Variants in MTTP observed in about 807,000 individuals in gnomAD.
MTTP encodes microsomal triglyceride transfer protein large subunit.
Under a neutral mutation model 90.6 loss-of-function variants are expected in MTTP, and 49 were observed. The ratio of observed to expected loss-of-function variants is 0.54; its 90% CI spans 0.43 to 0.69. MTTP has a LOEUF of 0.69. Ranked by LOEUF, MTTP falls within the 30% of genes least tolerant of loss-of-function variation. The pLI, the probability that MTTP is intolerant of heterozygous loss-of-function variation, is 0.00. For synonymous variants in MTTP, 347 were observed against 384.2 expected, an observed-to-expected ratio of 0.90 and a Z score of 1.13; for missense variants, 945 against 1,067.5, an observed-to-expected ratio of 0.89 and a Z score of 1.60.
intron 8 of MTTP, among the ~76,000 whole-genome samples, chr4:99,597,437 A>G (rs1417946637): frequency 1.3e-5 from 2 of 152,214 alleles, no homozygotes; most frequent in Non-Finnish European, 2.9e-5. Flanking sequence ...AGCAGGGACT[A>G]GGAATAAACA....
intron 6 of MTTP, 132 bp downstream of exon 6, chr4:99,591,922 T>C: frequency 1.2e-6 from 1 of 844,986 alleles, no homozygotes; most frequent in East Asian, 2.7e-5. Context: ...ACAATGGGAA[T>C]AAGTTCTGAG....
intron 16 of MTTP, among the ~76,000 whole-genome samples, chr4:99,620,415 A>C (rs1726201500): frequency 6.6e-6 from 1 of 152,200 alleles, no homozygotes. Flanking sequence ...TATCCAGGGC[A>C]CATTCCCCAG....
At chr4:99,613,257 T>G (rs1726008514) in intron 15 of MTTP, 117 bp downstream of exon 15, 4 of 857,206 alleles carry the variant, frequency 4.7e-6, no homozygotes, top group Non-Finnish European at 7.6e-6. Context: ...GGAGCTCATA[T>G]TCCAAGCACT....
intron 3 of MTTP, among the ~76,000 whole-genome samples, chr4:99,585,057 C>T (rs995299191): frequency 1.3e-5 from 2 of 152,116 alleles, no homozygotes; most frequent in African/African-American, 4.8e-5. Context: ...GTCTATTCAG[C>T]ACCTTGCTCA....
intron 10 of MTTP, among the ~76,000 whole-genome samples, chr4:99,602,741 G>T (rs35043772): frequency 0.082 from 12,464 of 152,016 alleles, 882 homozygotes; most frequent in East Asian, 0.19. Context: ...ATAATTATTT[G>T]AGTAGCTGAT....
intron 11 of MTTP, 52 bp from the exon 12 acceptor site, chr4:99,608,714 T>C: frequency 7.6e-7 from 1 of 1,310,252 alleles, no homozygotes; most frequent in African/African-American, 1.5e-5. Flanking sequence ...CCTGCTGAAA[T>C]GTCCATTTTA....
At chr4:99,573,950 T>G (rs889362913), upstream of MTTP, among the ~76,000 whole-genome samples, 2 of 152,224 alleles carry the variant, frequency 1.3e-5, no homozygotes, top group Non-Finnish European at 2.9e-5. Flanking sequence ...ATCAGGTCTC[T>G]CTCATGGGAG....
intron 1 of MTTP, among the ~76,000 whole-genome samples, chr4:99,568,252 A>G (rs895337405): frequency 2.0e-5 from 3 of 152,118 alleles, no homozygotes; most frequent in African/African-American, 7.2e-5. Flanking sequence ...CTGTCTAGAA[A>G]ATCCCCAAAA....
At chr4:99,578,724 A>G (rs1283400221) in intron 1 of MTTP, among the ~76,000 whole-genome samples, 3 of 152,224 alleles carry the variant, frequency 2.0e-5, no homozygotes, top group African/African-American at 7.2e-5. Context: ...TATTTTAACC[A>G]GAGGACACCT....
intron 15 of MTTP, among the ~76,000 whole-genome samples, chr4:99,618,561 T>C (rs935837773): frequency 1.3e-5 from 2 of 152,140 alleles, no homozygotes; most frequent in African/African-American, 2.4e-5. Flanking sequence ...TGTTAAAACA[T>C]AGATTGCTAG....
intron 12 of MTTP, among the ~76,000 whole-genome samples, chr4:99,609,933 T>C (rs924500320): frequency 2.0e-5 from 3 of 152,200 alleles, no homozygotes; most frequent in Non-Finnish European, 4.4e-5. Flanking sequence ...CTGGGTGTAC[T>C]TGCTGCCTTC....
chr4:99,601,677 T>A lies in MTTP; in HGVS notation c.1307T>A (p.Val436Asp). The change falls in exon 10 of 18, where the codon GTC (valine) becomes GAC (aspartate). Residue 436 changes from valine (V) to aspartate (D), a missense_variant. Physicochemically the swap from Val to Asp is radical, Grantham distance 152. Coordinates refer to ENST00000265517, the MANE Select transcript of MTTP (RefSeq NM_001386140.1). ...ETVMIITGTL[V>D]RKLCQNEGCK... ...GTTATGATCATCACTGGGACACTTG[T>A]CAGAAAGTTGTGTCAGAATGAAGGC... The A allele has an allele frequency of 6.2e-7, 1 of 1,613,036 alleles. No individual in the cohort carries two copies. Among genetic ancestry groups the A allele is most frequent in the South Asian group, 1.1e-5 (1 of 91,062 alleles).
rs1444800148 is a variant in MTTP, at chr4:99,623,232, G to A, written c.*384G>A. The stretch of plus-strand genomic sequence containing the variant: ...TTTGATCAATGTATATGAAGCTCTT[G>A]ATAGGACTTCCTTAAGCATGACGGG... On this transcript the variant is annotated 3_prime_UTR_variant, in exon 18 of 18. Transcript: ENST00000265517. 1 of 200,402 alleles carries A rather than the reference G, an allele frequency of 5.0e-6. No homozygotes were observed. The highest frequency in any genetic ancestry group is 2.4e-5 in the African/African-American group (1 of 41,716). The allele number at this position is 200,402 out of a possible 1,614,324, so 12.4% of individuals were successfully genotyped here.
Position 99,600,727 on chromosome 4 carries a change from C to G in MTTP, c.1230C>G (p.Ala410=). 6.2e-7 allele frequency: 1 copy of G among 1,613,430 alleles called. No homozygotes were observed. The highest frequency in any genetic ancestry group is 8.5e-7 in the Non-Finnish European group (1 of 1,179,612). ...ATCCCAATGAAGAACTCCTGAGAGC[C>G]CTCATTGTAAGTCAAATAGAAAATA... ...ASHPNEELLR[A]LISKFKGSIG... is the part of the protein sequence containing the mutation. Residue 410 remains alanine (A), a synonymous_variant, in exon 9 of 18, where the codon GCC becomes GCG. Coordinates refer to ENST00000265517, the MANE Select transcript of MTTP (RefSeq NM_001386140.1).
intron 10 of MTTP, among the ~76,000 whole-genome samples, chr4:99,605,950 G>C (rs1672792925): frequency 6.6e-6 from 1 of 151,386 alleles, no homozygotes; most frequent in South Asian, 2.1e-4. Context: ...TGAATCCTGT[G>C]GATGAATTAG....
intron 5 of MTTP, 62 bp from the exon 6 acceptor site, chr4:99,591,589 G>A: frequency 6.5e-7 from 1 of 1,546,610 alleles, no homozygotes; most frequent in Non-Finnish European, 8.9e-7. Flanking sequence ...TTTGCTATTT[G>A]ACTTGATTCA....
At chr4:99,617,309 T>C (rs898319759) in intron 15 of MTTP, among the ~76,000 whole-genome samples, 3 of 152,190 alleles carry the variant, frequency 2.0e-5, no homozygotes, top group African/African-American at 7.2e-5. Context: ...GAGAATCTCA[T>C]GCTTCCATCA....
At position 99,613,009 on chromosome 4, in the gene MTTP, C is replaced by T. The variant is rs779837948; in HGVS notation, c.2086C>T (p.Leu696Phe). Residue 696 changes from leucine (L) to phenylalanine (F), a missense_variant, in exon 15 of 18, where the codon CTC becomes TTC. Coordinates refer to ENST00000265517, the MANE Select transcript of MTTP (RefSeq NM_001386140.1). ...CTCCTATGCTGGTATGTCAGCCATC[C>T]TCTTTGATGTTCAGCTCAGACCTGT... ...LDSYAGMSAI[L>F]FDVQLRPVTF... is the part of the protein sequence containing the mutation. 6.2e-7 allele frequency: 1 copy of T among 1,614,090 alleles called. No homozygotes were observed. Among genetic ancestry groups the T allele is most frequent in the Non-Finnish European group, 8.5e-7 (1 of 1,179,968 alleles).
intron 10 of MTTP, among the ~76,000 whole-genome samples, chr4:99,603,089 T>C (rs1413112101): frequency 1.3e-5 from 2 of 152,136 alleles, no homozygotes; most frequent in Non-Finnish European, 2.9e-5. Flanking sequence ...GGTCAAAGTA[T>C]GGAATGAAAG....
Sources: gnomAD v4.1 joint callset for allele counts (sites outside exome capture counted in the v4.1 genomes callset) on GRCh38, gnomAD v4.1.1 for gene constraint, MANE v1.5 for transcripts, NCBI Gene and HGNC (gene_info 2026-07-23, HGNC 2026-07-21) for gene names.